The following IGF2R variants were observed in gnomAD, a reference collection of about 807,000 sequenced individuals.
IGF2R encodes cation-independent mannose-6-phosphate receptor.
A neutral mutation model predicts 270.6 loss-of-function variants in IGF2R; 91 were observed. The observed-to-expected ratio is 0.34, with a 90% CI of 0.28 to 0.40. IGF2R has a LOEUF of 0.40. Ranked by LOEUF, IGF2R falls within the 10% of genes least tolerant of loss-of-function variation. The probability of loss-of-function intolerance (pLI) is 1.00; values close to 1 mark genes in which losing one functional copy is unlikely to be tolerated. For missense variants in IGF2R, 2,805 were observed against 3,188.3 expected, an observed-to-expected ratio of 0.88 and a Z score of 2.90; for synonymous variants, 1,316 against 1,258.9, an observed-to-expected ratio of 1.05 and a Z score of -0.96.
intron 35 of IGF2R, 44 bp downstream of exon 35, chr6:160,074,019 T>C: frequency 7.1e-7 from 1 of 1,400,894 alleles, no homozygotes; most frequent in Non-Finnish European, 1.0e-6. Flanking sequence ...TTTGCAAGAC[T>C]TTTAGTGATA....
At position 160,089,215 on chromosome 6, in the gene IGF2R, A is replaced by G. The variant is rs747606718; in HGVS notation, c.6429A>G (p.Ile2143Met). ...QMVNGTITNP[I>M]NGKSFSLGDI... The stretch of plus-strand genomic sequence containing the variant: ...TGAATGGGACCATCACCAACCCTAT[A>G]AATGGCAAGAGCTTCAGCCTCGGAG... The change falls in exon 43 of 48, where the codon ATA becomes ATG. Residue 2143 changes from isoleucine to methionine, a missense_variant. Physicochemically the swap from Ile to Met is conservative, Grantham distance 10. This residue lies in a region of IGF2R where 1,851 missense variants were observed against 2,207.2 expected (regional missense o/e 0.84). Transcript: ENST00000356956. 2.5e-6 allele frequency: 4 copies of G among 1,612,438 alleles called. No homozygotes were observed. Among genetic ancestry groups the G allele is most frequent in the Admixed American group, 3.3e-5 (2 of 59,918 alleles).
In IGF2R at chr6:160,033,121, C is replaced by T. The variant is rs747226994; in HGVS notation, c.1211+14C>T. 2 of 1,600,560 alleles carry T rather than the reference C, an allele frequency of 1.2e-6. No individual in the cohort carries two copies. The highest frequency in any genetic ancestry group is 1.7e-6 in the Non-Finnish European group (2 of 1,169,496). ...TCAGACCCTCCGGTACGTCAACAAC[C>T]TCTGTGCGATTTTCCTTTTTCTTTG... is the stretch of plus-strand genomic sequence containing the variant. On this transcript the variant is annotated intron_variant, in intron 9 of 47. Transcript: ENST00000356956.
intron 41 of IGF2R, among the ~76,000 whole-genome samples, chr6:160,086,759 C>G (rs983778541): frequency 3.3e-5 from 5 of 152,220 alleles, no homozygotes; most frequent in Admixed American, 6.5e-5. Flanking sequence ...AGAGTCCCAC[C>G]TCCCACCTCA....
At chr6:160,103,612 C>A in intron 46 of IGF2R, 134 bp from the exon 47 acceptor site, 2 of 672,222 alleles carry the variant, frequency 3.0e-6, no homozygotes, top group South Asian at 1.7e-5. Flanking sequence ...ACTCATTTGT[C>A]ATTCAGAATG....
rs1022940139 is a variant in IGF2R, at chr6:160,082,084, A to G, written c.5833+1809A>G. The stretch of plus-strand genomic sequence containing the variant: ...GATAAATGTCCATGAAATCTTCACA[A>G]TGTATATTCTTCTGTCACGGCTTCA... On this transcript the variant is annotated intron_variant, in intron 39 of 47. Transcript: ENST00000356956. Among the ~76,000 whole-genome samples, 17 of 152,340 alleles carry G rather than the reference A, an allele frequency of 1.1e-4. No homozygotes were observed. The East Asian group carries it at 3.3e-3, about 29-fold the overall frequency.
chr6:160,056,183 C>T (rs988020187), intron 19 of IGF2R, among the ~76,000 whole-genome samples: 4 of 152,202 alleles, frequency 2.6e-5, no homozygotes, highest in Admixed American at 6.5e-5. Flanking sequence ...CTACCATTTA[C>T]TGCTGGCACG....
chr6:160,051,028 T>C lies in IGF2R; in HGVS notation c.2694+376T>C, dbSNP rs947682426. On this transcript the variant is annotated intron_variant, in intron 19 of 47. Transcript: ENST00000356956. ...GGTCCTGTAGGGGCCAAGGGAAAGC[T>C]TCCCTTTCACCCTTTGAAGTTTCCC... Among the ~76,000 whole-genome samples, 17 of 152,170 alleles carry C rather than the reference T, an allele frequency of 1.1e-4. 1 individual carries two copies. Among genetic ancestry groups the C allele is most frequent in the Non-Finnish European group, 2.5e-4 (17 of 68,040 alleles).
At position 160,090,075 on chromosome 6, in the gene IGF2R, C is replaced by T; in HGVS notation, c.6627C>T (p.Thr2209=). The T allele has an allele frequency of 6.4e-7, 1 of 1,568,848 alleles. No individual in the cohort carries two copies. Among genetic ancestry groups the T allele is most frequent in the Non-Finnish European group, 8.6e-7 (1 of 1,157,160 alleles). Residue 2209 remains threonine, a synonymous_variant, in exon 44 of 48, where the codon ACC becomes ACT. Coordinates refer to ENST00000356956, the MANE Select transcript of IGF2R (RefSeq NM_000876.4). ...AGCACTTCAGTCGGAAAGTTGGAAC[C>T]TCTGACAAGACCAAGTACTACCTTC... ...NDQHFSRKVG[T]SDKTKYYLQD...
In IGF2R at chr6:160,056,410, A is replaced by G; in HGVS notation, c.2695-14A>G. On this transcript the variant is annotated splice_polypyrimidine_tract_variant and intron_variant, in intron 19 of 47. Coordinates refer to ENST00000356956, the MANE Select transcript of IGF2R (RefSeq NM_000876.4). The stretch of plus-strand genomic sequence containing the variant: ...GTTACTGTATTGACTTTTACCCTGG[A>G]TTTGCCCATTCAGAACAGCCACCCC... 1 of 1,575,558 alleles carries G rather than the reference A, an allele frequency of 6.3e-7. No individual in the cohort carries two copies. The highest frequency in any genetic ancestry group is 8.7e-7 in the Non-Finnish European group (1 of 1,144,880).
At chr6:160,034,611 A>T in intron 10 of IGF2R, 89 bp downstream of exon 10, 1 of 861,194 alleles carries the variant, frequency 1.2e-6, no homozygotes, top group African/African-American at 1.7e-5. Flanking sequence ...GGAAGTGAAC[A>T]CTGAATGGAG....
At chr6:160,086,351 G>A (rs1387504009) in intron 41 of IGF2R, among the ~76,000 whole-genome samples, 1 of 152,190 alleles carries the variant, frequency 6.6e-6, no homozygotes, top group African/African-American at 2.4e-5. Flanking sequence ...AATCTTTGGC[G>A]CCAACAAGAC....
At chr6:160,022,862 G>C (rs868313847) in intron 4 of IGF2R, among the ~76,000 whole-genome samples, 1 of 152,210 alleles carries the variant, frequency 6.6e-6, no homozygotes, top group Middle Eastern at 3.2e-3. Context: ...TGAAGTGAGG[G>C]AAAGAGCCAT....
At chr6:160,077,069 G>C (rs1440260210) in intron 36 of IGF2R, among the ~76,000 whole-genome samples, 1 of 152,186 alleles carries the variant, frequency 6.6e-6, no homozygotes, top group African/African-American at 2.4e-5. Flanking sequence ...ACCAGTGAGA[G>C]AGACAGTATT....
At chr6:160,002,602 G>A in intron 2 of IGF2R, among the ~76,000 whole-genome samples, 1 of 152,150 alleles carries the variant, frequency 6.6e-6, no homozygotes, top group East Asian at 1.9e-4. Context: ...TCAGACCTTT[G>A]CAGTTCAACT....
chr6:160,057,247 A>T (rs1342917306), intron 20 of IGF2R, among the ~76,000 whole-genome samples: 1 of 152,120 alleles, frequency 6.6e-6, no homozygotes, highest in Non-Finnish European at 1.5e-5. Flanking sequence ...CATGCCCTCC[A>T]CTTGTTGAGT....
chr6:160,085,813 C>G (rs1348164551), intron 41 of IGF2R, among the ~76,000 whole-genome samples: 1 of 152,166 alleles, frequency 6.6e-6, no homozygotes, highest in Non-Finnish European at 1.5e-5. Flanking sequence ...CTACTGCCAC[C>G]CTTGATAAAA....
At chr6:160,003,551 A>G (rs1784163502) in intron 2 of IGF2R, 1 of 152,228 alleles carries the variant, frequency 6.6e-6, no homozygotes, top group African/African-American at 2.4e-5. Context: ...TCAATAATTT[A>G]TAGTGTATTT....
chr6:159,977,533 T>C (rs1783713301), intron 1 of IGF2R, among the ~76,000 whole-genome samples: 1 of 152,236 alleles, frequency 6.6e-6, no homozygotes, highest in East Asian at 1.9e-4. Context: ...TGTTGATTGC[T>C]GCTGGCAGCG....
chr6:159,970,234 C>A (rs538544477), intron 1 of IGF2R, among the ~76,000 whole-genome samples: 13 of 152,144 alleles, frequency 8.5e-5, no homozygotes, highest in Non-Finnish European at 1.8e-4. Context: ...TTCTGACCAT[C>A]CTTTTCTGGA....
Sources: allele counts gnomAD v4.1 joint callset (sites outside exome capture counted in the v4.1 genomes callset), GRCh38; gene constraint gnomAD v4.1.1; regional missense constraint gnomAD v4.1.1; transcripts MANE v1.5; gene names NCBI Gene and HGNC (gene_info 2026-07-23, HGNC 2026-07-21).